Variants in ANKRD42 observed in about 807,000 individuals in gnomAD.
ANKRD42 encodes ankyrin repeat domain-containing protein 42.
Under a neutral mutation model 51.5 loss-of-function variants are expected in ANKRD42, and 43 were observed. That is an observed-to-expected ratio of 0.83 (90% CI 0.65 to 1.08). The LOEUF is 1.08. Among genes scored for constraint, ANKRD42 ranks in the 50% least tolerant of loss-of-function variants. ANKRD42 has a pLI of 0.00. For missense variants in ANKRD42, 608 were observed against 629.3 expected, an observed-to-expected ratio of 0.97 and a Z score of 0.36; for synonymous variants, 203 against 213.0, an observed-to-expected ratio of 0.95 and a Z score of 0.41.
intron 1 of ANKRD42, among the ~76,000 whole-genome samples, chr11:83,197,711 C>T (rs1428125552): frequency 1.3e-5 from 2 of 152,082 alleles, no homozygotes; most frequent in Admixed American, 1.3e-4. Flanking sequence ...CCTTTATTGC[C>T]TCTGGTTCAC....
chr11:83,253,997 A>G (rs756651302), intron 11 of ANKRD42, among the ~76,000 whole-genome samples: 14 of 152,108 alleles, frequency 9.2e-5, no homozygotes, highest in Non-Finnish European at 1.6e-4. Flanking sequence ...TTTTTTTGAG[A>G]CACTATCTCA....
chr11:83,242,567 G>GTTTTTTTTTT (rs539259244), intron 9 of ANKRD42, among the ~76,000 whole-genome samples: 1,495 of 115,326 alleles, frequency 0.013, 100 homozygotes, highest in African/African-American at 0.046. Flanking sequence ...TGGTAGTTAA[G>GTTTTTTTTTT]TTTTTTTTTT....
downstream of ANKRD42, among the ~76,000 whole-genome samples, chr11:83,262,628 T>C (rs1033789973): frequency 6.6e-6 from 1 of 152,188 alleles, no homozygotes; most frequent in African/African-American, 2.4e-5. Context: ...ATGAATGAAT[T>C]TTTAAAAACA....
intron 7 of ANKRD42, among the ~76,000 whole-genome samples, chr11:83,236,160 C>T (rs1225263383): frequency 6.6e-6 from 1 of 152,084 alleles, no homozygotes; most frequent in East Asian, 1.9e-4. Context: ...TGAGTTTCAG[C>T]TTTTATATCC....
At chr11:83,229,801 C>T (rs1224687930) in intron 7 of ANKRD42, among the ~76,000 whole-genome samples, 1 of 152,002 alleles carries the variant, frequency 6.6e-6, no homozygotes, top group East Asian at 1.9e-4. Flanking sequence ...GATTATAAGT[C>T]GCAACAGCTG....
At position 83,245,452 on chromosome 11, in the gene ANKRD42, AG is replaced by A. The variant is rs1863515753; in HGVS notation, c.1196-45del. The stretch of plus-strand genomic sequence containing the variant: ...AATACCAGCACCCAGTGGACACATG[AG>A]CTGTTATATGTCTAACTAGGTTCCT... On this transcript the variant is annotated intron_variant, in intron 9 of 10. Coordinates refer to ENST00000533342, the MANE Select transcript of ANKRD42 (RefSeq NM_001300975.2). 7.2e-6 allele frequency: 11 copies of A among 1,524,280 alleles called. No individual in the cohort carries two copies. In the East Asian group the frequency reaches 2.7e-4, roughly 37 times the overall value. 94.4% of individuals were successfully genotyped at this position (1,524,280 alleles called of 1,614,324 possible).
rs528240829 is a variant in ANKRD42 at position 83,206,080 on chromosome 11, A to T, written c.245A>T (p.His82Leu). ...TAGTGTCTTCATTGGCTGCTCTGGCATGGAGCTGATATCACACACGTAACA... is the reference window on the plus strand; with the variant it reads ...TAGTGTCTTCATTGGCTGCTCTGGCTTGGAGCTGATATCACACACGTAACA... ...SLECLHWLLW[H>L]GADITHVTTR... The change falls in exon 3 of 11, where the codon CAT (histidine) becomes CTT (leucine). Residue 82 changes from histidine (H) to leucine (L), a missense_variant. His to Leu is a moderately conservative substitution (Grantham distance 99). Transcript: ENST00000533342. 1 of 1,613,892 alleles carries T rather than the reference A, an allele frequency of 6.2e-7. No homozygotes were observed. Among genetic ancestry groups the T allele is most frequent in the African/African-American group, 1.3e-5 (1 of 74,934 alleles).
chr11:83,237,980 C>T (rs1863272139), intron 8 of ANKRD42, among the ~76,000 whole-genome samples: 1 of 152,180 alleles, frequency 6.6e-6, no homozygotes, highest in African/African-American at 2.4e-5. Flanking sequence ...TGGAATCATA[C>T]AATATATATT....
chr11:83,247,185 T>A (rs1863566460), intron 10 of ANKRD42, among the ~76,000 whole-genome samples: 1 of 151,974 alleles, frequency 6.6e-6, no homozygotes, highest in South Asian at 2.1e-4. Flanking sequence ...TTCCTTGTAG[T>A]CTAGAAAAGT....
At chr11:83,204,614 A>C (rs1313082392) in intron 2 of ANKRD42, among the ~76,000 whole-genome samples, 1 of 152,166 alleles carries the variant, frequency 6.6e-6, no homozygotes, top group Non-Finnish European at 1.5e-5. Flanking sequence ...CGAACTTGGC[A>C]CATGTACCCT....
chr11:83,228,054 T>A (rs919119732), intron 7 of ANKRD42, among the ~76,000 whole-genome samples, 182 bp downstream of exon 7: 2 of 152,154 alleles, frequency 1.3e-5, no homozygotes, highest in Non-Finnish European at 2.9e-5. Context: ...AATGTTTCTT[T>A]TATGATGCCA....
At chr11:83,221,698 A>G (rs1201897794) in intron 5 of ANKRD42, among the ~76,000 whole-genome samples, 1 of 152,150 alleles carries the variant, frequency 6.6e-6, no homozygotes, top group African/African-American at 2.4e-5. Context: ...CCTAAATGGG[A>G]TATTTCAGCA....
chr11:83,263,086 A>G (rs986956285), downstream of ANKRD42, among the ~76,000 whole-genome samples: 8 of 151,872 alleles, frequency 5.3e-5, no homozygotes, highest in African/African-American at 1.9e-4. Flanking sequence ...CTCCAAAGCC[A>G]TTTTTTTTCT....
intron 5 of ANKRD42, among the ~76,000 whole-genome samples, chr11:83,217,952 A>G (rs138178815): frequency 0.017 from 2,658 of 152,286 alleles, 40 homozygotes; most frequent in Non-Finnish European, 0.026. Context: ...TCCCTGTTAC[A>G]GAACACCGAG....
rs1031447932 is a variant in ANKRD42 at position 83,211,320 on chromosome 11, AATGGAGACCTGTGCATT to A, written c.480_496del (p.Trp160CysfsTer15). On this transcript the variant is annotated frameshift_variant, in exon 5 of 11. Coordinates refer to ENST00000533342, the MANE Select transcript of ANKRD42 (RefSeq NM_001300975.2). LOFTEE classifies it high-confidence loss of function. ...GATCCCAGTGTGACTGATAAGAGAGAATGGAGACCTGTGCATTATGCAGCTTTTCATGGGCGGCTTGG... is the reference window on the plus strand; with the variant it reads ...GATCCCAGTGTGACTGATAAGAGAGAATGCAGCTTTTCATGGGCGGCTTGG... 2 of 1,614,028 alleles carry A rather than the reference AATGGAGACCTGTGCATT, an allele frequency of 1.2e-6. No homozygotes were observed. The highest frequency in any genetic ancestry group is 2.7e-5 in the African/African-American group (2 of 74,906).
chr11:83,236,617 A>G, intron 8 of ANKRD42, 108 bp downstream of exon 8: 1 of 764,208 alleles, frequency 1.3e-6, no homozygotes, highest in Non-Finnish European at 2.0e-6. Flanking sequence ...AGAGGACTCA[A>G]TCAAATACAG....
chr11:83,199,229 A>G (rs1565174324), intron 2 of ANKRD42, among the ~76,000 whole-genome samples: 3 of 152,074 alleles, frequency 2.0e-5, no homozygotes, highest in African/African-American at 7.2e-5. Context: ...GTCCCTAAGT[A>G]CCCCTCTCAG....
intron 5 of ANKRD42, among the ~76,000 whole-genome samples, chr11:83,222,986 AT>A (rs1862759977): frequency 6.6e-6 from 1 of 152,166 alleles, no homozygotes; most frequent in African/African-American, 2.4e-5. Context: ...ATGGTGGCCC[AT>A]GCTTGTAGTC....
chr11:83,208,489 A>G (rs1862172347), intron 3 of ANKRD42, among the ~76,000 whole-genome samples: 1 of 152,148 alleles, frequency 6.6e-6, no homozygotes, highest in African/African-American at 2.4e-5. Context: ...ATTCTAGCAA[A>G]GTGTGTCCAG....
Sources: gnomAD v4.1 joint callset for allele counts (sites outside exome capture counted in the v4.1 genomes callset) on GRCh38, gnomAD v4.1.1 for gene constraint, MANE v1.5 for transcripts, NCBI Gene and HGNC (gene_info 2026-07-23, HGNC 2026-07-21) for gene names.